Variants in GRIP1 observed in about 807,000 individuals in gnomAD.
GRIP1 encodes glutamate receptor interacting protein 1.
In GRIP1, 45 loss-of-function variants were observed where a neutral mutation model predicts 129.9. The observed-to-expected ratio is 0.35, with a 90% CI of 0.27 to 0.44. The LOEUF (loss-of-function observed/expected upper bound fraction) is 0.44. Among genes scored for constraint, GRIP1 ranks in the 20% least tolerant of loss-of-function variants. The pLI, the probability that GRIP1 is intolerant of heterozygous loss-of-function variation, is 1.00. For synonymous variants in GRIP1, 530 were observed against 520.8 expected, an observed-to-expected ratio of 1.02 and a Z score of -0.24; for missense variants, 1,196 against 1,396.8, an observed-to-expected ratio of 0.86 and a Z score of 2.29.
At chr12:66,417,951 C>T (rs936444093) in intron 15 of GRIP1, among the ~76,000 whole-genome samples, 1 of 151,988 alleles carries the variant, frequency 6.6e-6, no homozygotes, top group African/African-American at 2.4e-5. Context: ...AAAATTTATA[C>T]TGAACCACAA....
At chr12:66,603,997 A>G (rs1384792596) in intron 1 of GRIP1, among the ~76,000 whole-genome samples, 1 of 152,224 alleles carries the variant, frequency 6.6e-6, no homozygotes, top group Non-Finnish European at 1.5e-5. Flanking sequence ...AAAAAGTTAT[A>G]TTCTGCCTCA....
chr12:66,715,471 T>TGTGTGTGTGAGAGA (rs761155485), intron 1 of GRIP1, among the ~76,000 whole-genome samples: 17 of 110,138 alleles, frequency 1.5e-4, no homozygotes, highest in Admixed American at 2.8e-4. Context: ...TGTGTGTGTG[T>TGTGTGTGTGAGAGA]GAGAGAGAGA....
At chr12:66,836,045 T>C (rs777510127) in intron 1 of GRIP1, among the ~76,000 whole-genome samples, 5 of 152,128 alleles carry the variant, frequency 3.3e-5, no homozygotes, top group African/African-American at 1.2e-4. Context: ...AAAAATAAAC[T>C]CTATTTTTAA....
chr12:67,015,649 G>A (rs148757623), intron 1 of GRIP1, among the ~76,000 whole-genome samples: 74 of 152,284 alleles, frequency 4.9e-4, no homozygotes, highest in African/African-American at 1.5e-3. Context: ...TACCCAAAGC[G>A]ATGCAAGGAA....
At chr12:66,829,625 A>C (rs933447848) in intron 1 of GRIP1, among the ~76,000 whole-genome samples, 44 of 152,276 alleles carry the variant, frequency 2.9e-4, no homozygotes, top group African/African-American at 9.4e-4. Context: ...TTTTGTCTCC[A>C]TGATGAATGT....
chr12:67,002,507 T>C (rs1249756489), intron 1 of GRIP1, among the ~76,000 whole-genome samples: 1 of 152,200 alleles, frequency 6.6e-6, no homozygotes, highest in Non-Finnish European at 1.5e-5. Context: ...TTATGCTAAA[T>C]AGGAGATAAT....
intron 1 of GRIP1, among the ~76,000 whole-genome samples, chr12:66,796,628 A>C (rs1040924942): frequency 2.6e-5 from 4 of 152,076 alleles, no homozygotes; most frequent in Non-Finnish European, 5.9e-5. Context: ...TTTTCTTTTT[A>C]GCTTGCTGAC....
intron 1 of GRIP1, among the ~76,000 whole-genome samples, chr12:66,711,902 A>G (rs2035724870): frequency 6.6e-6 from 1 of 151,930 alleles, no homozygotes; most frequent in Non-Finnish European, 1.5e-5. Context: ...TAGATCATTT[A>G]GTTGGTACGA....
intron 1 of GRIP1, among the ~76,000 whole-genome samples, chr12:66,608,969 A>AT: frequency 2.1e-5 from 3 of 143,060 alleles, no homozygotes; most frequent in African/African-American, 8.1e-5. Flanking sequence ...TATTATATAT[A>AT]TATTTTTTTA....
intron 1 of GRIP1, among the ~76,000 whole-genome samples, chr12:66,789,123 A>T (rs1489577453): frequency 6.6e-6 from 1 of 152,220 alleles, no homozygotes; most frequent in Non-Finnish European, 1.5e-5. Context: ...GGTTGACAGA[A>T]TATAGTATTT....
At chr12:66,868,452 C>T (rs768117545) in intron 1 of GRIP1, among the ~76,000 whole-genome samples, 3 of 152,070 alleles carry the variant, frequency 2.0e-5, no homozygotes, top group Non-Finnish European at 2.9e-5. Context: ...ATTATCCTGT[C>T]TGGACAGATG....
Position 66,850,660 on chromosome 12 carries a change from C to T in GRIP1, c.58+218390G>A, listed in dbSNP as rs372506046. ...GTGTAGGACATCAGATACACTCCTA[C>T]AAGGGGCACTACAGTTGACCAACAA... is the stretch of plus-strand genomic sequence containing the variant. On this transcript the variant is annotated intron_variant, in intron 1 of 1. Coordinates refer to the GRIP1 transcript ENST00000643019. Among the ~76,000 whole-genome samples the T allele has an allele frequency of 6.6e-5, 10 of 152,010 alleles. 1 individual carries two copies. The highest frequency in any genetic ancestry group is 2.2e-4 in the African/African-American group (9 of 41,414).
intron 14 of GRIP1, among the ~76,000 whole-genome samples, chr12:66,426,999 G>C (rs1418823041): frequency 6.6e-6 from 1 of 152,172 alleles, no homozygotes. Flanking sequence ...CAGGGTAGGG[G>C]AAGGGTACTT....
chr12:66,858,380 T>C (rs1040042229), intron 1 of GRIP1, among the ~76,000 whole-genome samples: 3 of 151,970 alleles, frequency 2.0e-5, no homozygotes, highest in African/African-American at 7.2e-5. Flanking sequence ...GAAATTAAGA[T>C]GAAAGTGAAT....
At chr12:66,853,719 C>G (rs1450318919) in intron 1 of GRIP1, among the ~76,000 whole-genome samples, 1 of 152,064 alleles carries the variant, frequency 6.6e-6, no homozygotes, top group East Asian at 1.9e-4. Flanking sequence ...CAATTACTGG[C>G]ATGTATTCTA....
At chr12:66,848,458 C>A (rs975521539) in intron 1 of GRIP1, among the ~76,000 whole-genome samples, 1 of 152,032 alleles carries the variant, frequency 6.6e-6, no homozygotes, top group African/African-American at 2.4e-5. Context: ...GAGTGGCTGA[C>A]CATCCAACAA....
intron 1 of GRIP1, chr12:67,065,014 G>T (rs1341937618): frequency 6.8e-6 from 1 of 147,848 alleles, no homozygotes; most frequent in African/African-American, 2.5e-5. Flanking sequence ...TTGGTTTTTT[G>T]TTCTTGCGAT....
intron 1 of GRIP1, among the ~76,000 whole-genome samples, chr12:66,978,111 G>T (rs11176512): frequency 2.0e-3 from 309 of 151,614 alleles, no homozygotes; most frequent in Admixed American, 5.5e-3. Context: ...TCTGAACCAC[G>T]ACACCTGGCC....
chr12:66,882,208 CACAAA>C (rs1316795179), intron 1 of GRIP1, among the ~76,000 whole-genome samples: 1 of 23,658 alleles, frequency 4.2e-5, no homozygotes. Context: ...AGTGTGCCAT[CACAAA>C]AAAAAAAAAA....
Sources: gnomAD v4.1 joint callset for allele counts (sites outside exome capture counted in the v4.1 genomes callset) on GRCh38, gnomAD v4.1.1 for gene constraint, MANE v1.5 for transcripts, NCBI Gene and HGNC (gene_info 2026-07-23, HGNC 2026-07-21) for gene names.